PSD3: variants seen among roughly 807,000 people sequenced by gnomAD.
PSD3 encodes pleckstrin and Sec7 domain containing 3, also known as PH and SEC7 domain-containing protein 3.
A neutral mutation model predicts 105.5 loss-of-function variants in PSD3; 49 were observed. The ratio of observed to expected loss-of-function variants is 0.46; its 90% CI spans 0.37 to 0.59. PSD3 has a LOEUF of 0.59. PSD3 is among the 20% of genes least tolerant of loss of function. PSD3 has a pLI of 0.00. For synonymous variants in PSD3, 557 were observed against 457.8 expected, an observed-to-expected ratio of 1.22 and a Z score of -2.77; for missense variants, 1,561 against 1,263.8, an observed-to-expected ratio of 1.24 and a Z score of -3.57.
intron 4 of PSD3, chr8:18,864,853 C>T (rs1201783269): frequency 6.6e-6 from 1 of 151,884 alleles, no homozygotes; most frequent in Non-Finnish European, 1.5e-5. Context: ...GATGTTTTAA[C>T]GCAGATGAAA....
chr8:18,641,184 C>A (rs1233593380), intron 10 of PSD3, among the ~76,000 whole-genome samples: 1 of 152,166 alleles, frequency 6.6e-6, no homozygotes, highest in African/African-American at 2.4e-5. Flanking sequence ...TACTGGCAAT[C>A]ATTACCATGA....
intron 8 of PSD3, among the ~76,000 whole-genome samples, chr8:18,770,836 C>T (rs1439096353): frequency 6.6e-6 from 1 of 152,182 alleles, no homozygotes; most frequent in Non-Finnish European, 1.5e-5. Flanking sequence ...CAGCCTTTTG[C>T]AACCACACTT....
chr8:18,805,249 T>C (rs1811100141), intron 4 of PSD3, among the ~76,000 whole-genome samples: 1 of 152,172 alleles, frequency 6.6e-6, no homozygotes, highest in Admixed American at 6.5e-5. Context: ...AATAAATCTG[T>C]TTTACATAAC....
chr8:18,632,878 T>C, intron 10 of PSD3, 72 bp from the exon 11 acceptor site: 1 of 1,199,198 alleles, frequency 8.3e-7, no homozygotes. Flanking sequence ...TAAGTTATTG[T>C]AAAAAACTAC....
chr8:18,651,910 G>A (rs1005028380), intron 10 of PSD3, among the ~76,000 whole-genome samples: 1 of 152,128 alleles, frequency 6.6e-6, no homozygotes, highest in East Asian at 1.9e-4. Context: ...ACAGCACATA[G>A]GAACTTCACA....
In PSD3 at chr8:19,053,420, G is replaced by T. The variant is rs540514096; in HGVS notation, c.324+30786C>A. Among the ~76,000 whole-genome samples, 99 of 152,266 alleles carry T rather than the reference G, an allele frequency of 6.5e-4. 1 individual carries two copies. The highest frequency in any genetic ancestry group is 1.3e-3 in the Non-Finnish European group (88 of 68,014). The stretch of plus-strand genomic sequence containing the variant: ...GCTGGGACAGAGTGATTTAGAGAAA[G>T]CTTCATTTCTTATCAAATGAGGAGA... On this transcript the variant is annotated intron_variant, in intron 1 of 1. Transcript: ENST00000521475.
chr8:18,958,746 G>A (rs1823730169), intron 1 of PSD3, among the ~76,000 whole-genome samples: 1 of 152,160 alleles, frequency 6.6e-6, no homozygotes, highest in African/African-American at 2.4e-5. Context: ...CAATAAATGT[G>A]AATGTCAATT....
At chr8:19,055,323 G>A (rs917357019) in intron 1 of PSD3, among the ~76,000 whole-genome samples, 1 of 151,946 alleles carries the variant, frequency 6.6e-6, no homozygotes, top group African/African-American at 2.4e-5. Context: ...GCAGAGTCTC[G>A]GCTCACTGCA....
At chr8:18,739,035 C>T (rs973792275) in intron 9 of PSD3, among the ~76,000 whole-genome samples, 5 of 152,182 alleles carry the variant, frequency 3.3e-5, no homozygotes, top group South Asian at 4.2e-4. Context: ...GGACTAAAGG[C>T]GGATTTCGCC....
intron 11 of PSD3, among the ~76,000 whole-genome samples, chr8:18,607,686 A>T (rs1469050938): frequency 3.7e-4 from 48 of 128,758 alleles, no homozygotes; most frequent in African/African-American, 1.4e-3. Flanking sequence ...ACTGCTACAA[A>T]AAAAAAAAAC....
chr8:18,940,912 C>G (rs1822496950), intron 1 of PSD3, among the ~76,000 whole-genome samples: 1 of 152,280 alleles, frequency 6.6e-6, no homozygotes, highest in East Asian at 1.9e-4. Flanking sequence ...TCTGCCTTCT[C>G]CTTTGGTTTC....
At chr8:19,004,605 T>A (rs1048319192) in intron 1 of PSD3, among the ~76,000 whole-genome samples, 2 of 151,960 alleles carry the variant, frequency 1.3e-5, no homozygotes, top group African/African-American at 4.8e-5. Context: ...ACAAATAATA[T>A]AATTTAAAAA....
intron 11 of PSD3, among the ~76,000 whole-genome samples, chr8:18,622,455 A>T (rs1416859377): frequency 1.3e-5 from 2 of 152,240 alleles, no homozygotes; most frequent in African/African-American, 4.8e-5. Flanking sequence ...ATGAGAATTT[A>T]ACAAACTTAA....
At chr8:18,894,899 G>T (rs1410271470) in intron 2 of PSD3, among the ~76,000 whole-genome samples, 1 of 152,168 alleles carries the variant, frequency 6.6e-6, no homozygotes, top group Non-Finnish European at 1.5e-5. Context: ...GAAAGGGAAG[G>T]ATCTGAGTTT....
intron 11 of PSD3, among the ~76,000 whole-genome samples, chr8:18,620,749 T>C (rs761852654): frequency 7.2e-5 from 11 of 152,324 alleles, no homozygotes; most frequent in Admixed American, 2.0e-4. Flanking sequence ...CAGAGTTTGA[T>C]ATTTCCATTA....
chr8:18,768,891 G>A (rs1266674298), intron 8 of PSD3, among the ~76,000 whole-genome samples: 1 of 152,142 alleles, frequency 6.6e-6, no homozygotes, highest in Non-Finnish European at 1.5e-5. Flanking sequence ...GACAGAAGTG[G>A]CTTTGTCAGC....
chr8:18,910,250 A>G (rs1820121229), intron 2 of PSD3, among the ~76,000 whole-genome samples: 1 of 148,328 alleles, frequency 6.7e-6, no homozygotes, highest in Non-Finnish European at 1.5e-5. Context: ...ATGTCCAACA[A>G]TGATAGACTG....
intron 1 of PSD3, among the ~76,000 whole-genome samples, chr8:19,069,181 C>G (rs1452636872): frequency 6.6e-6 from 1 of 152,182 alleles, no homozygotes; most frequent in African/African-American, 2.4e-5. Flanking sequence ...TACAATGGTT[C>G]TCATAAATGC....
chr8:18,685,210 G>A (rs756343513), intron 9 of PSD3, among the ~76,000 whole-genome samples: 18 of 151,900 alleles, frequency 1.2e-4, no homozygotes, highest in East Asian at 3.9e-4. Context: ...ATTTTGCAAC[G>A]CACTGGTGTT....
Sources: gnomAD v4.1 joint callset for allele counts (sites outside exome capture counted in the v4.1 genomes callset) on GRCh38, gnomAD v4.1.1 for gene constraint, MANE v1.5 for transcripts, NCBI Gene and HGNC (gene_info 2026-07-23, HGNC 2026-07-21) for gene names.